The following SEMA4B variants were observed in gnomAD, a reference collection of about 807,000 sequenced individuals.
SEMA4B encodes semaphorin 4B.
Under a neutral mutation model 88.1 loss-of-function variants are expected in SEMA4B, and 55 were observed. The observed-to-expected ratio is 0.62, with a 90% CI of 0.50 to 0.78. The LOEUF (loss-of-function observed/expected upper bound fraction) is 0.78. Ranked by LOEUF, SEMA4B falls within the 30% of genes least tolerant of loss-of-function variation. SEMA4B has a pLI of 0.00. For missense variants in SEMA4B, 1,062 were observed against 1,111.9 expected, an observed-to-expected ratio of 0.96 and a Z score of 0.64; for synonymous variants, 525 against 473.6, an observed-to-expected ratio of 1.11 and a Z score of -1.41.
At chr15:90,206,251 GT>G (rs1194464063) in intron 1 of SEMA4B, among the ~76,000 whole-genome samples, 15 of 152,298 alleles carry the variant, frequency 9.8e-5, no homozygotes, top group African/African-American at 3.4e-4. Flanking sequence ...GGCCTCTGAT[GT>G]GGCCCTCCCT....
chr15:90,213,353 TG>T lies in SEMA4B; in HGVS notation c.158-4084del, dbSNP rs1961365437. Among the ~76,000 whole-genome samples the T allele has an allele frequency of 2.0e-5, 3 of 152,184 alleles. No individual in the cohort carries two copies. In the South Asian group the frequency reaches 6.2e-4, roughly 31 times the overall value. On this transcript the variant is annotated intron_variant, in intron 1 of 13. Transcript: ENST00000411539. ...TCAGGGCAGAGAGATGAGGCAAGTG[TG>T]GAAGGGAAGCCCCAGAAGGGGAAAG...
At chr15:90,215,212 G>A (rs965813177) in intron 1 of SEMA4B, among the ~76,000 whole-genome samples, 5 of 123,640 alleles carry the variant, frequency 4.0e-5, no homozygotes, top group African/African-American at 1.8e-4. Context: ...GGGTAAGTGT[G>A]TGTGTGTTTC....
At position 90,225,751 on chromosome 15, in the gene SEMA4B, G is replaced by C. The variant is rs200769820; in HGVS notation, c.1612G>C (p.Ala538Pro). 1 of 1,576,694 alleles carries C rather than the reference G, an allele frequency of 6.3e-7. No homozygotes were observed. The highest frequency in any genetic ancestry group is 1.8e-5 in the Admixed American group (1 of 55,756). Residue 538 changes from alanine to proline, a missense_variant, in exon 12 of 14, where the codon GCC becomes CCC. By Grantham distance (27) the Ala-to-Pro change is conservative. Transcript: ENST00000411539. ...CAGGAGCTGTGGGGACTGCCTCCTC[G>C]CCCGGGACCCCTACTGTGCTTGGAG... The part of the protein sequence containing the change: ...LYRSCGDCLL[A>P]RDPYCAWSGS...
chr15:90,201,266 A>AG, upstream of SEMA4B: 1 of 1,015,402 alleles, frequency 9.8e-7, no homozygotes, highest in Non-Finnish European at 1.2e-6. Context: ...GGAAGGAGGA[A>AG]GGGGGAAGGG....
intron 1 of SEMA4B, among the ~76,000 whole-genome samples, chr15:90,186,501 C>G (rs532265937): frequency 6.6e-6 from 1 of 152,006 alleles, no homozygotes; most frequent in Non-Finnish European, 1.5e-5. Flanking sequence ...TGCCTGTAAT[C>G]GCAGCGACTT....
Position 90,225,180 on chromosome 15 carries a change from T to C in SEMA4B, c.1405+2T>C. 1.3e-6 allele frequency: 2 copies of C among 1,593,124 alleles called. No individual in the cohort carries two copies. The highest frequency in any genetic ancestry group is 2.2e-5 in the South Asian group (2 of 88,986). The stretch of plus-strand genomic sequence containing the variant: ...ACGATGTCCTCTTCCTGGGCACTGG[T>C]AAGTGTCTGCAGCCCAGCAGGCTCA... On this transcript the variant is annotated splice_donor_variant, in intron 10 of 13. Transcript: ENST00000411539. LOFTEE classifies it high-confidence loss of function.
Position 90,225,661 on chromosome 15 carries a change from G to A in SEMA4B, c.1522G>A (p.Gly508Arg), listed in dbSNP as rs1397730330. 11 of 1,562,830 alleles carry A rather than the reference G, an allele frequency of 7.0e-6. No individual in the cohort carries two copies. The highest frequency in any genetic ancestry group is 9.5e-6 in the Non-Finnish European group (11 of 1,154,926). Residue 508 changes from glycine (G) to arginine (R), a missense_variant and splice_region_variant, in exon 12 of 14, where the codon GGG (glycine) becomes AGG (arginine). Transcript: ENST00000411539. ...CTCATCCCCGTGTCTGGCTGTGCAG[G>A]GGCTGCTGTATGCGGCCTCACACTC... The part of the protein sequence containing the change: ...VQNLLLDTHR[G>R]LLYAASHSGV...
intron 1 of SEMA4B, among the ~76,000 whole-genome samples, chr15:90,202,432 C>G (rs1375107773): frequency 6.6e-6 from 1 of 152,248 alleles, no homozygotes; most frequent in Non-Finnish European, 1.5e-5. Context: ...TCCTGGTTGG[C>G]TGGGTTCCTT....
chr15:90,194,194 C>T (rs547609187), intron 1 of SEMA4B, among the ~76,000 whole-genome samples: 5 of 151,448 alleles, frequency 3.3e-5, no homozygotes, highest in African/African-American at 1.2e-4. Flanking sequence ...GTGGGCTGAA[C>T]AGTGCAGTTA....
At chr15:90,217,735 T>C in intron 2 of SEMA4B, 32 bp from the exon 3 acceptor site, 1 of 1,611,054 alleles carries the variant, frequency 6.2e-7, no homozygotes, top group Non-Finnish European at 8.5e-7. Context: ...CCCTCCATTT[T>C]GTCCACTACC....
At chr15:90,224,781 C>T (rs1962052445) in intron 9 of SEMA4B, among the ~76,000 whole-genome samples, 187 bp from the exon 10 acceptor site, 2 of 152,152 alleles carry the variant, frequency 1.3e-5, no homozygotes, top group South Asian at 4.1e-4. Flanking sequence ...ACTCGGTTTC[C>T]CCGCACCCTG....
At chr15:90,190,953 A>AG (rs1010272763) in intron 1 of SEMA4B, among the ~76,000 whole-genome samples, 29 of 152,228 alleles carry the variant, frequency 1.9e-4, no homozygotes, top group African/African-American at 6.7e-4. Context: ...TTTTTAATTT[A>AG]TTTTTTGTAG....
chr15:90,185,621 G>A (rs1275391796), intron 1 of SEMA4B, among the ~76,000 whole-genome samples: 1 of 152,202 alleles, frequency 6.6e-6, no homozygotes, highest in Non-Finnish European at 1.5e-5. Context: ...TCTCGGGAAG[G>A]TCATCAAATC....
chr15:90,223,700 T>A lies in SEMA4B; in HGVS notation c.1003T>A (p.Trp335Arg). ...CACGCTGAGCCCCAGCCCCCAGGAC[T>A]GGCGTGACACCCTTTTCTATGGGGT... The part of the protein sequence containing the change: ...VFTLSPSPQD[W>R]RDTLFYGVFT... The change falls in exon 8 of 14, where the codon TGG becomes AGG. Residue 335 changes from tryptophan (W) to arginine (R), a missense_variant. Transcript: ENST00000411539. The A allele has an allele frequency of 2.5e-6, 4 of 1,612,300 alleles. No homozygotes were observed. The highest frequency in any genetic ancestry group is 3.4e-6 in the Non-Finnish European group (4 of 1,178,762).
Position 90,228,038 on chromosome 15 carries a change from G to T in SEMA4B, c.1909G>T (p.Val637Leu), listed in dbSNP as rs749502634. Residue 637 changes from valine (V) to leucine (L), a missense_variant, in exon 14 of 14, where the codon GTG (valine) becomes TTG (leucine). By Grantham distance (32) the Val-to-Leu change is conservative. Transcript: ENST00000411539. ...CGTCAATGCCTCGGCCTCCTGCCAC[G>T]TGCTACCCACTGGGGACCTGCTGCT... Reference protein sequence around the residue: ...APVNASASCHVLPTGDLLLVG... With the variant: ...APVNASASCHLLPTGDLLLVG... 6.2e-7 allele frequency: 1 copy of T among 1,613,862 alleles called. No homozygotes were observed.
At chr15:90,206,275 A>G (rs1487254915) in intron 1 of SEMA4B, among the ~76,000 whole-genome samples, 1 of 152,194 alleles carries the variant, frequency 6.6e-6, no homozygotes, top group Non-Finnish European at 1.5e-5. Context: ...GGATCGGGGC[A>G]ACAGGAACAA....
Position 90,229,023 on chromosome 15 carries a change from G to A in SEMA4B, c.*380G>A. On this transcript the variant is annotated 3_prime_UTR_variant, in exon 14 of 14. Transcript: ENST00000411539. ...GTTCATGGCCTCCCAGGGGTGCTGG[G>A]GATGCATCCAAAGTGGTTGTCTGAG... is the stretch of plus-strand genomic sequence containing the variant. The A allele has an allele frequency of 2.7e-6, 1 of 369,024 alleles. No individual in the cohort carries two copies. Among genetic ancestry groups the A allele is most frequent in the Non-Finnish European group, 5.2e-6 (1 of 191,878 alleles). 22.9% of individuals were successfully genotyped at this position (369,024 alleles called of 1,614,324 possible). A position where few individuals can be genotyped will look rare whatever the true frequency, so the allele number is the denominator to read the frequency against.
intron 1 of SEMA4B, among the ~76,000 whole-genome samples, chr15:90,205,790 C>T (rs554433843): frequency 3.3e-5 from 5 of 152,342 alleles, no homozygotes; most frequent in African/African-American, 1.2e-4. Flanking sequence ...AGTGCCTGCC[C>T]TGGTAGAAAA....
Position 90,229,250 on chromosome 15 carries a change from C to T in SEMA4B, c.*607C>T. 2.2e-6 allele frequency: 1 copy of T among 454,480 alleles called. No individual in the cohort carries two copies. Among genetic ancestry groups the T allele is most frequent in the South Asian group, 1.6e-5 (1 of 64,446 alleles). 28.2% of individuals were successfully genotyped at this position (454,480 alleles called of 1,614,324 possible). A position where few individuals can be genotyped will look rare whatever the true frequency, so the allele number is the denominator to read the frequency against. On this transcript the variant is annotated 3_prime_UTR_variant, in exon 14 of 14. Coordinates refer to ENST00000411539, the MANE Select transcript of SEMA4B (RefSeq NM_198925.4). ...GGCTAGGTTGGCACTGCGGCCCTCA[C>T]CAGGTCCTGGGCTCGGACCCAACTC...
Sources: gnomAD v4.1 joint callset for allele counts (sites outside exome capture counted in the v4.1 genomes callset) on GRCh38, gnomAD v4.1.1 for gene constraint, MANE v1.5 for transcripts, NCBI Gene and HGNC (gene_info 2026-07-23, HGNC 2026-07-21) for gene names.